Variants in COQ10B observed in about 807,000 individuals in gnomAD.
COQ10B encodes the protein coenzyme Q10B, also known as coenzyme Q-binding protein COQ10 homolog B, mitochondrial.
In COQ10B, 12 loss-of-function variants were observed where a neutral mutation model predicts 27.6. The observed-to-expected ratio is 0.43, with a 90% CI of 0.28 to 0.70. COQ10B has a LOEUF of 0.70. COQ10B is among the 30% of genes least tolerant of loss of function. COQ10B has a pLI of 0.17. For synonymous variants in COQ10B, 115 were observed against 103.0 expected, an observed-to-expected ratio of 1.12 and a Z score of -0.71; for missense variants, 278 against 288.7, an observed-to-expected ratio of 0.96 and a Z score of 0.27.
At position 197,459,917 on chromosome 2, in the gene COQ10B, T is replaced by C. The variant is rs753820047; in HGVS notation, c.105-15T>C. ...TTTACTGTCACTCTAAATCAGGTGA[T>C]TTTTGTCTTTTCAGATATTTAGCTT... is the stretch of plus-strand genomic sequence containing the variant. On this transcript the variant is annotated splice_polypyrimidine_tract_variant and intron_variant, in intron 1 of 4. Transcript: ENST00000263960. 1.7e-5 allele frequency: 26 copies of C among 1,568,642 alleles called. No homozygotes were observed. Among genetic ancestry groups the C allele is most frequent in the Non-Finnish European group, 2.2e-5 (25 of 1,161,582 alleles).
At position 197,470,139 on chromosome 2, in the gene COQ10B, G is replaced by T; in HGVS notation, c.517G>T (p.Gly173Cys). ...TIWRFSPGLP[G>C]YPRTCTLDFS... The stretch of plus-strand genomic sequence containing the variant: ...TTGGCGTTTTAGCCCAGGTCTTCCT[G>T]GCTACCCAAGAACTTGTACCTTGGA... The change falls in exon 4 of 5, where the codon GGC becomes TGC. Residue 173 changes from glycine to cysteine, a missense_variant. By Grantham distance (159) the Gly-to-Cys change is radical. Transcript: ENST00000263960. The T allele has an allele frequency of 6.2e-7, 1 of 1,612,822 alleles. No individual in the cohort carries two copies. Among genetic ancestry groups the T allele is most frequent in the South Asian group, 1.1e-5 (1 of 91,020 alleles).
rs1333819222 is a variant in COQ10B at position 197,462,686 on chromosome 2, G to A, written c.402G>A (p.Glu134=). Residue 134 remains glutamate (E), a synonymous_variant, in exon 3 of 5, where the codon GAG becomes GAA. Transcript: ENST00000263960. ...AAATTGGATTTCCACCTGTGTTGGAGCGATATACATCAGTAGTAACCTTGG... is the reference window on the plus strand; with the variant it reads ...AAATTGGATTTCCACCTGTGTTGGAACGATATACATCAGTAGTAACCTTGG... ...RLEIGFPPVL[E]RYTSVVTLVK... 1 of 1,602,814 alleles carries A rather than the reference G, an allele frequency of 6.2e-7. No individual in the cohort carries two copies.
chr2:197,473,378 A>G (rs1413859540), intron 4 of COQ10B, among the ~76,000 whole-genome samples: 1 of 134,280 alleles, frequency 7.4e-6, no homozygotes, highest in Non-Finnish European at 1.6e-5. Context: ...ACATGGCAAA[A>G]CCCCTTCTCT....
At position 197,473,857 on chromosome 2, in the gene COQ10B, G is replaced by A; in HGVS notation, c.650G>A (p.Cys217Tyr). 1 of 1,605,238 alleles carries A rather than the reference G, an allele frequency of 6.2e-7. No individual in the cohort carries two copies. The highest frequency in any genetic ancestry group is 1.7e-4 in the Middle Eastern group (1 of 6,024). ...QMVAAFERRACKLYGPETNIP... is the reference protein window; with the variant it reads ...QMVAAFERRAYKLYGPETNIP... ...GTAGCTGCCTTTGAAAGAAGAGCAT[G>A]TAAGCTGTATGGTCCAGAAACAAAT... Residue 217 changes from cysteine to tyrosine, a missense_variant, in exon 5 of 5, where the codon TGT becomes TAT. By Grantham distance (194) the Cys-to-Tyr change is radical. Coordinates refer to ENST00000263960, the MANE Select transcript of COQ10B (RefSeq NM_025147.5).
intron 3 of COQ10B, among the ~76,000 whole-genome samples, chr2:197,464,222 G>A (rs917327885): frequency 6.6e-6 from 1 of 151,320 alleles, no homozygotes; most frequent in Non-Finnish European, 1.5e-5. Flanking sequence ...AAAGGGTACC[G>A]ACCTTAAAAA....
chr2:197,453,575 T>G lies in COQ10B; in HGVS notation c.15T>G (p.Thr5=). 2 of 1,613,616 alleles carry G rather than the reference T, an allele frequency of 1.2e-6. No homozygotes were observed. The highest frequency in any genetic ancestry group is 2.7e-5 in the African/African-American group (2 of 74,974). Residue 5 remains threonine (T), a synonymous_variant, in exon 1 of 5, where the codon ACT becomes ACG. Coordinates refer to ENST00000263960, the MANE Select transcript of COQ10B (RefSeq NM_025147.5). The part of the protein sequence containing the change: MAAR[T]GHTALRRVVS... ...GAGAGTCTATCATGGCAGCTCGGACTGGTCATACGGCCTTGAGAAGGGTAG... is the reference window on the plus strand; with the variant it reads ...GAGAGTCTATCATGGCAGCTCGGACGGGTCATACGGCCTTGAGAAGGGTAG...
chr2:197,457,413 T>A (rs1159814489), intron 1 of COQ10B, among the ~76,000 whole-genome samples: 1 of 152,250 alleles, frequency 6.6e-6, no homozygotes, highest in African/African-American at 2.4e-5. Flanking sequence ...ATGCATTGTA[T>A]GTATCGAAAC....
chr2:197,453,830 G>T, intron 1 of COQ10B, 166 bp downstream of exon 1: 1 of 1,050,356 alleles, frequency 9.5e-7, no homozygotes, highest in Non-Finnish European at 1.4e-6. Flanking sequence ...ACTCAAGAGC[G>T]GCGCGCATCA....
chr2:197,464,047 A>C (rs2085797176), intron 3 of COQ10B, among the ~76,000 whole-genome samples: 1 of 108,028 alleles, frequency 9.3e-6, no homozygotes, highest in Admixed American at 1.1e-4. Context: ...ACACATATAT[A>C]TATACGTATA....
intron 3 of COQ10B, among the ~76,000 whole-genome samples, chr2:197,466,233 A>G (rs2085823948): frequency 6.6e-6 from 1 of 152,202 alleles, no homozygotes; most frequent in South Asian, 2.1e-4. Context: ...GAATGTCTTA[A>G]AAGTTCCACG....
intron 3 of COQ10B, among the ~76,000 whole-genome samples, chr2:197,469,476 G>C (rs2085858329): frequency 6.6e-6 from 1 of 152,190 alleles, no homozygotes; most frequent in South Asian, 2.1e-4. Flanking sequence ...AAGTATACAT[G>C]TGCATTGAAA....
At chr2:197,453,902 G>C (rs1574575627) in intron 1 of COQ10B, 1 of 1,501,118 alleles carries the variant, frequency 6.7e-7, no homozygotes, top group African/African-American at 1.4e-5. Context: ...AATCATCGGC[G>C]AAGCGACTTT....
chr2:197,463,827 A>G (rs2085786834), intron 3 of COQ10B, among the ~76,000 whole-genome samples: 1 of 146,970 alleles, frequency 6.8e-6, no homozygotes, highest in Non-Finnish European at 1.5e-5. Context: ...TCAGCTACTC[A>G]AGAGGCTGAG....
chr2:197,453,945 C>T, intron 1 of COQ10B: 3 of 1,549,772 alleles, frequency 1.9e-6, no homozygotes, highest in South Asian at 1.2e-5. Context: ...CCTTTGGGCT[C>T]TTCCGGTCTC....
At chr2:197,472,818 A>G (rs914567351) in intron 4 of COQ10B, among the ~76,000 whole-genome samples, 6 of 151,398 alleles carry the variant, frequency 4.0e-5, no homozygotes, top group East Asian at 1.9e-4. Context: ...AAAAAAAAAA[A>G]AAAGAAAGAT....
chr2:197,463,826 C>G lies in COQ10B; in HGVS notation c.447+1095C>G, dbSNP rs529809573. Among the ~76,000 whole-genome samples, 4 of 144,016 alleles carry G rather than the reference C, an allele frequency of 2.8e-5. No individual in the cohort carries two copies. The South Asian group carries it at 8.9e-4, about 32-fold the overall frequency. 94.5% of individuals were successfully genotyped at this position (144,016 alleles called of 152,430 possible). A position where few individuals can be genotyped will look rare whatever the true frequency, so the allele number is the denominator to read the frequency against. On this transcript the variant is annotated intron_variant, in intron 3 of 4. Coordinates refer to ENST00000263960, the MANE Select transcript of COQ10B (RefSeq NM_025147.5). ...GCAAGTACCTGTAATTTCAGCTACT[C>G]AAGAGGCTGAGGCAGGAGACTCACT...
chr2:197,467,937 T>C (rs1393054482), intron 3 of COQ10B, among the ~76,000 whole-genome samples: 1 of 152,196 alleles, frequency 6.6e-6, no homozygotes, highest in Non-Finnish European at 1.5e-5. Context: ...AAACATTTTG[T>C]ATGGATTAGT....
chr2:197,473,402 C>CAAA lies in COQ10B; in HGVS notation c.550-343_550-341dup, dbSNP rs1208430482. ...AACCCCTTCTCTACGCCCCCCCCCA[C>CAAA]AAAAAAAAAAAAAATATATATATAT... On this transcript the variant is annotated intron_variant, in intron 4 of 4. Transcript: ENST00000263960. 1.4e-3 allele frequency among the ~76,000 whole-genome samples: 64 copies of CAAA among 45,668 alleles called. 3 individuals are homozygous for CAAA. The highest frequency in any genetic ancestry group is 2.5e-3 in the African/African-American group (25 of 9,880). The allele number at this position is 45,668 out of a possible 152,430, so 30.0% of individuals were successfully genotyped here.
At chr2:197,461,476 G>C (rs1273794324) in intron 2 of COQ10B, among the ~76,000 whole-genome samples, 1 of 152,126 alleles carries the variant, frequency 6.6e-6, no homozygotes, top group South Asian at 2.1e-4. Flanking sequence ...CGTAAAAAGA[G>C]TGCAAATCTT....
Sources: allele counts gnomAD v4.1 joint callset (sites outside exome capture counted in the v4.1 genomes callset), GRCh38; gene constraint gnomAD v4.1.1; transcripts MANE v1.5; gene names NCBI Gene and HGNC (gene_info 2026-07-23, HGNC 2026-07-21).